SRSF7: variants seen among roughly 807,000 people sequenced by gnomAD.
SRSF7 encodes serine/arginine-rich splicing factor 7.
A neutral mutation model predicts 42.2 loss-of-function variants in SRSF7; 15 were observed. That is an observed-to-expected ratio of 0.36 (90% CI 0.24 to 0.55). The LOEUF (loss-of-function observed/expected upper bound fraction) is 0.55, where lower values mean the gene tolerates loss of function less well. Among genes scored for constraint, SRSF7 ranks in the 20% least tolerant of loss-of-function variants. The pLI, the probability that SRSF7 is intolerant of heterozygous loss-of-function variation, is 0.88. For synonymous variants in SRSF7, 138 were observed against 107.9 expected, an observed-to-expected ratio of 1.28 and a Z score of -1.73; for missense variants, 181 against 305.9, an observed-to-expected ratio of 0.59 and a Z score of 3.04.
intron 7 of SRSF7, among the ~76,000 whole-genome samples, 194 bp from the exon 8 acceptor site, chr2:38,745,381 G>A (rs115260297): frequency 1.2e-4 from 19 of 152,240 alleles, no homozygotes; most frequent in South Asian, 4.1e-4. Flanking sequence ...GGCCAGGCAC[G>A]GTGGCTCACG....
chr2:38,749,766 A>G (rs1668002712), intron 2 of SRSF7, 61 bp from the exon 3 acceptor site: 2 of 1,448,506 alleles, frequency 1.4e-6, no homozygotes, highest in Non-Finnish European at 1.8e-6. Flanking sequence ...TTATAGATTT[A>G]AAAAGAACTC....
At position 38,748,608 on chromosome 2, in the gene SRSF7, A is replaced by T; in HGVS notation, c.432T>A (p.Ser144=). Residue 144 remains serine (S), a synonymous_variant, in exon 4 of 8, where the codon TCT becomes TCA. Coordinates refer to ENST00000313117, the MANE Select transcript of SRSF7 (RefSeq NM_001031684.3). The part of the protein sequence containing the change: ...SHSRSRGRRY[S]RSRSRSRGRR... ...GTCCCCTGCTCCTGCTGCGTGAGCG[A>T]GAGTATCGCCTTCCTCTGGATCGAG... The T allele has an allele frequency of 6.2e-7, 1 of 1,614,246 alleles. No homozygotes were observed. Among genetic ancestry groups the T allele is most frequent in the Non-Finnish European group, 8.5e-7 (1 of 1,180,052 alleles).
chr2:38,745,265 C>T (rs1667195626), intron 7 of SRSF7, 78 bp from the exon 8 acceptor site: 12 of 1,481,450 alleles, frequency 8.1e-6, no homozygotes, highest in South Asian at 8.0e-5. Flanking sequence ...CTTTCAATAA[C>T]TTCAAAGGTG....
intron 1 of SRSF7, chr2:38,751,017 G>GC (rs933774891): frequency 6.3e-5 from 37 of 586,704 alleles, no homozygotes; most frequent in African/African-American, 6.1e-4. Flanking sequence ...CCACAAAAAT[G>GC]CCCAAGAGTA....
chr2:38,748,638 T>G lies in SRSF7; in HGVS notation c.402A>C (p.Ser134=). Residue 134 remains serine, a synonymous_variant, in exon 4 of 8, where the codon TCA becomes TCC. Coordinates refer to ENST00000313117, the MANE Select transcript of SRSF7 (RefSeq NM_001031684.3). Reference sequence around the variant, plus strand: ...ATCGCCTTCCTCTGGATCGAGAATGTGATCTAGACCGTGACCTATTTTTCA... The same window carrying G: ...ATCGCCTTCCTCTGGATCGAGAATGGGATCTAGACCGTGACCTATTTTTCA... The part of the protein sequence containing the change: ...RRRRSRSRSR[S]HSRSRGRRYS... 1 of 1,614,040 alleles carries G rather than the reference T, an allele frequency of 6.2e-7. No homozygotes were observed. Among genetic ancestry groups the G allele is most frequent in the Non-Finnish European group, 8.5e-7 (1 of 1,179,994 alleles).
chr2:38,751,382 G>A (rs1159255696), upstream of SRSF7: 4 of 1,273,278 alleles, frequency 3.1e-6, no homozygotes, highest in Middle Eastern at 1.8e-4. Flanking sequence ...CCGGGTTCGC[G>A]TTTATATATG....
intron 3 of SRSF7, 92 bp downstream of exon 3, chr2:38,749,437 A>C (rs1667952731): frequency 6.4e-7 from 1 of 1,556,030 alleles, no homozygotes. Flanking sequence ...ATTAACATTC[A>C]AGTTTATAGA....
chr2:38,744,174 TAGA>T lies in SRSF7; in HGVS notation c.*956_*958del. The stretch of plus-strand genomic sequence containing the variant: ...ATTACTTTGCACCAGCCTGGCAAAA[TAGA>T]AGAATGTTGTGGTTGGGAACTGCAA... On this transcript the variant is annotated 3_prime_UTR_variant, in exon 8 of 8. Coordinates refer to ENST00000313117, the MANE Select transcript of SRSF7 (RefSeq NM_001031684.3). 1 of 152,594 alleles carries T rather than the reference TAGA, an allele frequency of 6.6e-6. No homozygotes were observed. Among genetic ancestry groups the T allele is most frequent in the African/African-American group, 2.4e-5 (1 of 41,442 alleles). The allele number at this position is 152,594 out of a possible 1,614,324, so 9.5% of individuals were successfully genotyped here. A position where few individuals can be genotyped will look rare whatever the true frequency, so the allele number is the denominator to read the frequency against.
chr2:38,744,194 GAACTGCA>G lies in SRSF7; in HGVS notation c.*932_*938del. 1 of 152,568 alleles carries G rather than the reference GAACTGCA, an allele frequency of 6.6e-6. No homozygotes were observed. The highest frequency in any genetic ancestry group is 2.4e-5 in the African/African-American group (1 of 41,440). The allele number at this position is 152,568 out of a possible 1,614,324, so 9.5% of individuals were successfully genotyped here. On this transcript the variant is annotated 3_prime_UTR_variant, in exon 8 of 8. Coordinates refer to ENST00000313117, the MANE Select transcript of SRSF7 (RefSeq NM_001031684.3). ...CAAAATAGAAGAATGTTGTGGTTGGGAACTGCAAAACCTAGCTTGAAGATTAACAACA... is the reference window on the plus strand; with the variant it reads ...CAAAATAGAAGAATGTTGTGGTTGGGAAACCTAGCTTGAAGATTAACAACA...
chr2:38,748,009 C>G, intron 5 of SRSF7, 38 bp downstream of exon 5: 1 of 1,456,336 alleles, frequency 6.9e-7, no homozygotes, highest in Non-Finnish European at 9.6e-7. Context: ...AAGATGTGAA[C>G]AATCCAAACA....
Position 38,745,066 on chromosome 2 carries a change from G to A in SRSF7, c.*67C>T. ...TATCTTTCCTAGGTTACACTTTACA[G>A]ACATCACAAATCCCTTATAATAATG... On this transcript the variant is annotated 3_prime_UTR_variant, in exon 8 of 8. Coordinates refer to ENST00000313117, the MANE Select transcript of SRSF7 (RefSeq NM_001031684.3). 6.7e-7 allele frequency: 1 copy of A among 1,499,304 alleles called. No homozygotes were observed. Among genetic ancestry groups the A allele is most frequent in the African/African-American group, 1.4e-5 (1 of 72,086 alleles). 92.9% of individuals were successfully genotyped at this position (1,499,304 alleles called of 1,614,324 possible).
At position 38,749,494 on chromosome 2, in the gene SRSF7, T is replaced by C. The variant is rs374510439; in HGVS notation, c.386+35A>G. The C allele has an allele frequency of 6.7e-5, 104 of 1,548,678 alleles. 1 individual carries two copies. Among genetic ancestry groups the C allele is most frequent in the South Asian group, 6.3e-4 (51 of 80,748 alleles). ...CTAATAAAAGAATTACTTGATTAACTAGAATACCAACCATTCCTTTATTAA... is the reference window on the plus strand; with the variant it reads ...CTAATAAAAGAATTACTTGATTAACCAGAATACCAACCATTCCTTTATTAA... On this transcript the variant is annotated intron_variant, in intron 3 of 7. Transcript: ENST00000313117.
At chr2:38,750,741 C>T (rs938708605) in intron 1 of SRSF7, 49 of 161,734 alleles carry the variant, frequency 3.0e-4, no homozygotes, top group Non-Finnish European at 5.3e-4. Context: ...ATTCCCATTC[C>T]GCAATTTAAC....
chr2:38,749,767 A>G (rs1410252365), intron 2 of SRSF7, 62 bp from the exon 3 acceptor site: 2 of 1,447,470 alleles, frequency 1.4e-6, no homozygotes, highest in Non-Finnish European at 1.8e-6. Context: ...TATAGATTTA[A>G]AAAGAACTCT....
chr2:38,748,709 G>C, intron 3 of SRSF7, 56 bp from the exon 4 acceptor site: 9 of 1,535,548 alleles, frequency 5.9e-6, no homozygotes, highest in Non-Finnish European at 8.1e-6. Flanking sequence ...GTTTTTAAGA[G>C]TTTGTGTGCC....
In SRSF7 at chr2:38,743,829, G is replaced by A; in HGVS notation, c.*1304C>T. The stretch of plus-strand genomic sequence containing the variant: ...TGATGCAGACCAGTATTCCCAAGTT[G>A]CAATAGTATCCAATGACTTTGCTGA... On this transcript the variant is annotated 3_prime_UTR_variant, in exon 8 of 8. Coordinates refer to ENST00000313117, the MANE Select transcript of SRSF7 (RefSeq NM_001031684.3). The A allele has an allele frequency of 3.3e-5, 5 of 152,174 alleles. No homozygotes were observed. The highest frequency in any genetic ancestry group is 2.0e-4 in the Admixed American group (3 of 15,240). The allele number at this position is 152,174 out of a possible 1,614,324, so 9.4% of individuals were successfully genotyped here.
intron 2 of SRSF7, 137 bp from the exon 3 acceptor site, chr2:38,749,842 G>GC (rs1209210488): frequency 8.0e-7 from 1 of 1,249,740 alleles, no homozygotes; most frequent in Non-Finnish European, 1.1e-6. Context: ...TCTTTACCAA[G>GC]CCCTAACTCC....
chr2:38,745,068 CATCACAA>C lies in SRSF7; in HGVS notation c.*58_*64del. On this transcript the variant is annotated 3_prime_UTR_variant, in exon 8 of 8. Coordinates refer to ENST00000313117, the MANE Select transcript of SRSF7 (RefSeq NM_001031684.3). ...TCTTTCCTAGGTTACACTTTACAGACATCACAAATCCCTTATAATAATGTAAACAAAA... is the reference window on the plus strand; with the variant it reads ...TCTTTCCTAGGTTACACTTTACAGACATCCCTTATAATAATGTAAACAAAA... 1 of 1,510,776 alleles carries C rather than the reference CATCACAA, an allele frequency of 6.6e-7. No individual in the cohort carries two copies. The highest frequency in any genetic ancestry group is 9.2e-7 in the Non-Finnish European group (1 of 1,090,522). 93.6% of individuals were successfully genotyped at this position (1,510,776 alleles called of 1,614,324 possible). A position where few individuals can be genotyped will look rare whatever the true frequency, so the allele number is the denominator to read the frequency against.
chr2:38,747,157 C>A (rs1667564374), intron 5 of SRSF7: 1 of 465,780 alleles, frequency 2.1e-6, no homozygotes. Context: ...ATAACCAGAC[C>A]CCTGAACTGA....
Sources: gnomAD v4.1 joint callset for allele counts (sites outside exome capture counted in the v4.1 genomes callset) on GRCh38, gnomAD v4.1.1 for gene constraint, MANE v1.5 for transcripts, NCBI Gene and HGNC (gene_info 2026-07-23, HGNC 2026-07-21) for gene names.